Variants in KDM6B observed in about 807,000 individuals in gnomAD.
The protein encoded by KDM6B is lysine demethylase 6B.
Under a neutral mutation model 150.4 loss-of-function variants are expected in KDM6B, and 22 were observed. The ratio of observed to expected loss-of-function variants is 0.15; its 90% CI spans 0.10 to 0.21. The LOEUF (loss-of-function observed/expected upper bound fraction) is 0.21, where lower values mean the gene tolerates loss of function less well. Among genes scored for constraint, KDM6B ranks in the 10% least tolerant of loss-of-function variants. The pLI is 1.00. For missense variants in KDM6B, 1,984 were observed against 2,234.3 expected, an observed-to-expected ratio of 0.89 and a Z score of 2.26; for synonymous variants, 1,148 against 921.1, an observed-to-expected ratio of 1.25 and a Z score of -4.46.
chr17:7,846,311 G>A lies in KDM6B; in HGVS notation c.456+14G>A. On this transcript the variant is annotated intron_variant, in intron 7 of 23. Coordinates refer to ENST00000448097, the MANE Select transcript of KDM6B (RefSeq NM_001348716.2). Reference sequence around the variant, plus strand: ...CGACTGCAGCAGGTAGGAGAAGGCAGGGCGTGGGGGACGGGATTGTACGAT... The same window carrying A: ...CGACTGCAGCAGGTAGGAGAAGGCAAGGCGTGGGGGACGGGATTGTACGAT... The A allele has an allele frequency of 6.2e-7, 1 of 1,608,550 alleles. No individual in the cohort carries two copies. The highest frequency in any genetic ancestry group is 8.5e-7 in the Non-Finnish European group (1 of 1,177,474).
At chr17:7,850,696 A>AG (rs386385574) in intron 14 of KDM6B, among the ~76,000 whole-genome samples, 9 of 151,338 alleles carry the variant, frequency 5.9e-5, no homozygotes, top group African/African-American at 2.2e-4. Flanking sequence ...AAATGGGGAA[A>AG]AAAGAAGCTG....
At chr17:7,841,918 G>A (rs1020486873) in intron 2 of KDM6B, among the ~76,000 whole-genome samples, 72 of 152,304 alleles carry the variant, frequency 4.7e-4, no homozygotes, top group African/African-American at 1.5e-3. Context: ...CAGGTAAGAA[G>A]CGAGCGTGTA....
chr17:7,836,175 C>T (rs1049741630), intron 1 of KDM6B, among the ~76,000 whole-genome samples: 1 of 152,252 alleles, frequency 6.6e-6, no homozygotes, highest in African/African-American at 2.4e-5. Flanking sequence ...CCCCGGACGG[C>T]CCAGGTGATT....
chr17:7,839,105 C>T lies in KDM6B; in HGVS notation c.-387-801C>T, dbSNP rs577819520. Among the ~76,000 whole-genome samples, 4 of 152,232 alleles carry T rather than the reference C, an allele frequency of 2.6e-5. 1 individual carries two copies. The highest frequency in any genetic ancestry group is 5.9e-5 in the Non-Finnish European group (4 of 68,000). ...GATTAAGGGAGCAGAAAACATAGGTCCCTGAGGAGCGAGTCTGAGGTGAGG... is the reference window on the plus strand; with the variant it reads ...GATTAAGGGAGCAGAAAACATAGGTTCCTGAGGAGCGAGTCTGAGGTGAGG... On this transcript the variant is annotated intron_variant, in intron 1 of 23. Coordinates refer to ENST00000448097, the MANE Select transcript of KDM6B (RefSeq NM_001348716.2).
In KDM6B at chr17:7,844,426, G is replaced by A. The variant is rs1443523324; in HGVS notation, c.-268-475G>A. 6.6e-6 allele frequency: 1 copy of A among 152,546 alleles called. No homozygotes were observed. Among genetic ancestry groups the A allele is most frequent in the East Asian group, 1.9e-4 (1 of 5,184 alleles). The allele number at this position is 152,546 out of a possible 1,614,324, so 9.4% of individuals were successfully genotyped here. ...GGGGGTGGAGCGCCGATAGCGGCGC[G>A]GACGGGTTTGGGTGCCGTGGAAGTC... On this transcript the variant is annotated intron_variant, in intron 2 of 23. Coordinates refer to ENST00000448097, the MANE Select transcript of KDM6B (RefSeq NM_001348716.2). This position sits in a 1 kb window ranked among gnomAD's most constrained non-coding sequence, Gnocchi z 5.9.
At chr17:7,836,120 C>T (rs910397843) in intron 1 of KDM6B, among the ~76,000 whole-genome samples, 1 of 152,240 alleles carries the variant, frequency 6.6e-6, no homozygotes, top group African/African-American at 2.4e-5. Context: ...TTCTCCCGCC[C>T]GGGCCCAGCT....
chr17:7,852,111 G>A, intron 19 of KDM6B, 38 bp from the exon 20 acceptor site: 2 of 1,613,806 alleles, frequency 1.2e-6, no homozygotes, highest in Non-Finnish European at 8.5e-7. Context: ...CCCCGCCCTC[G>A]GTCCCCAGTT....
Position 7,849,816 on chromosome 17 carries a change from C to T in KDM6B, c.3441-5C>T, listed in dbSNP as rs747953827. 33 of 1,612,888 alleles carry T rather than the reference C, an allele frequency of 2.0e-5. No homozygotes were observed. The highest frequency in any genetic ancestry group is 1.3e-4 in the Admixed American group (8 of 60,012). On this transcript the variant is annotated splice_region_variant and splice_polypyrimidine_tract_variant and intron_variant, in intron 12 of 23. Coordinates refer to ENST00000448097, the MANE Select transcript of KDM6B (RefSeq NM_001348716.2). Reference sequence around the variant, plus strand: ...TTCTGTCTTCATTCCACTGTCCTCCCGCAGGAATGCCAAGGTGAAAGGGAA... The same window carrying T: ...TTCTGTCTTCATTCCACTGTCCTCCTGCAGGAATGCCAAGGTGAAAGGGAA...
Position 7,845,037 on chromosome 17 carries a change from T to TATCA in KDM6B, c.-149+17_-149+18insATCA. The TATCA allele has an allele frequency of 5.1e-6, 1 of 196,716 alleles. No homozygotes were observed. The highest frequency in any genetic ancestry group is 1.1e-5 in the Non-Finnish European group (1 of 92,186). The allele number at this position is 196,716 out of a possible 1,614,324, so 12.2% of individuals were successfully genotyped here. ...GGAGGCCGGGTAAGCGGCCGCTGCGTTTTGGGTCGGCCCAGTGGCTCCGGA... is the reference window on the plus strand; with the variant it reads ...GGAGGCCGGGTAAGCGGCCGCTGCGTATCATTTGGGTCGGCCCAGTGGCTCCGGA... On this transcript the variant is annotated intron_variant, in intron 3 of 23. Transcript: ENST00000448097.
At position 7,845,685 on chromosome 17, in the gene KDM6B, G is replaced by A. The variant is rs1436601341; in HGVS notation, c.131G>A (p.Gly44Glu). 1 of 1,614,132 alleles carries A rather than the reference G, an allele frequency of 6.2e-7. No individual in the cohort carries two copies. Among genetic ancestry groups the A allele is most frequent in the Admixed American group, 1.7e-5 (1 of 60,030 alleles). ...HPPPRSAWLP[G>E]GRCSASIGQP... ...CCTCCTCGTAGCGCATGGCTGCCTG[G>A]AGGCAGGTGAGAAGTTGGGGCCCTC... The change falls in exon 5 of 24, where the codon GGA becomes GAA. Residue 44 changes from glycine (G) to glutamate (E), a missense_variant. Gly to Glu is a moderately conservative substitution (Grantham distance 98, BLOSUM62 -2). Coordinates refer to ENST00000448097, the MANE Select transcript of KDM6B (RefSeq NM_001348716.2).
rs755747126 is a variant in KDM6B at position 7,847,242 on chromosome 17, C to G, written c.1047C>G (p.Cys349Trp). 6.3e-7 allele frequency: 1 copy of G among 1,578,094 alleles called. No homozygotes were observed. Among genetic ancestry groups the G allele is most frequent in the East Asian group, 2.3e-5 (1 of 44,054 alleles). Residue 349 changes from cysteine to tryptophan, a missense_variant, in exon 11 of 24, where the codon TGC (cysteine) becomes TGG (tryptophan). Transcript: ENST00000448097. ...CCCCAGGAGCAGAGAGCCATGGCTGCCTGCCTGCCACCCGTCCCCCCGGAA... is the reference window on the plus strand; with the variant it reads ...CCCCAGGAGCAGAGAGCCATGGCTGGCTGCCTGCCACCCGTCCCCCCGGAA... ...PRPPGAESHG[C>W]LPATRPPGSD...
At chr17:7,845,120 C>A in intron 3 of KDM6B, 100 bp downstream of exon 3, 1 of 260,638 alleles carries the variant, frequency 3.8e-6, no homozygotes, top group Non-Finnish European at 7.7e-6. Flanking sequence ...GGTTCCCTGC[C>A]ACACACGTCC....
chr17:7,852,913 G>A (rs2078729724), intron 21 of KDM6B, 87 bp from the exon 22 acceptor site: 1 of 1,576,934 alleles, frequency 6.3e-7, no homozygotes, highest in Admixed American at 1.7e-5. Flanking sequence ...GAGGGCCCTG[G>A]GGCTGCCCAC....
In KDM6B at chr17:7,848,408, G is replaced by T. The variant is rs771800557; in HGVS notation, c.2120G>T (p.Arg707Leu). The T allele has an allele frequency of 5.6e-6, 9 of 1,612,896 alleles. No homozygotes were observed. Among genetic ancestry groups the T allele is most frequent in the East Asian group, 4.5e-5 (2 of 44,880 alleles). Residue 707 changes from arginine (R) to leucine (L), a missense_variant, in exon 12 of 24, where the codon CGC becomes CTC. Coordinates refer to ENST00000448097, the MANE Select transcript of KDM6B (RefSeq NM_001348716.2). ...ATGAAGATGCTGGACGAATCCATTC[G>T]CAAGGAAGAGGAACAGCAACAACAC... ...NIMKMLDESI[R>L]KEEEQQQHEA... is the part of the protein sequence containing the mutation.
Position 7,853,327 on chromosome 17 carries a change from C to T in KDM6B, c.4855C>T (p.Leu1619=). Residue 1619 remains leucine (L), a synonymous_variant, in exon 23 of 24, where the codon CTG becomes TTG. Transcript: ENST00000448097. ...CGCAGGCCTGCAGGGCGTGGTGGTGCTGGAGCAGTACCGCACTGAGGAGCT... is the reference window on the plus strand; with the variant it reads ...CGCAGGCCTGCAGGGCGTGGTGGTGTTGGAGCAGTACCGCACTGAGGAGCT... ...RSAGLQGVVV[L]EQYRTEELAQ... 2.5e-6 allele frequency: 4 copies of T among 1,588,034 alleles called. No individual in the cohort carries two copies. The highest frequency in any genetic ancestry group is 1.1e-5 in the South Asian group (1 of 87,994).
intron 1 of KDM6B, among the ~76,000 whole-genome samples, chr17:7,839,353 C>T (rs2078380874): frequency 6.6e-6 from 1 of 152,014 alleles, no homozygotes. Context: ...GGCCCAGAGT[C>T]AGAGTTCTTG....
rs767733175 is a variant in KDM6B, at chr17:7,849,212, G to A, written c.2924G>A (p.Arg975Gln). The change falls in exon 12 of 24, where the codon CGA becomes CAA. Residue 975 changes from arginine to glutamine, a missense_variant. Around this residue, in one of 13 missense-constraint regions of KDM6B, gnomAD observed 1,379 missense variants for 1,275.6 expected, o/e 1.08. Coordinates refer to ENST00000448097, the MANE Select transcript of KDM6B (RefSeq NM_001348716.2). ...GCAGTGTCAGGCAGCTGTAAGCGGC[G>A]ACAGAAGGAGCATCAGAAGGAGCAT... ...VAAVSGSCKR[R>Q]QKEHQKEHRR... 61 of 1,594,502 alleles carry A rather than the reference G, an allele frequency of 3.8e-5. No individual in the cohort carries two copies. Among genetic ancestry groups the A allele is most frequent in the Non-Finnish European group, 5.0e-5 (58 of 1,170,292 alleles).
At chr17:7,835,693 T>C (rs552392911) in intron 1 of KDM6B, among the ~76,000 whole-genome samples, 3 of 151,988 alleles carry the variant, frequency 2.0e-5, no homozygotes, top group South Asian at 4.2e-4. Context: ...CGGCGGAGGC[T>C]GGGAGGCAGC....
intron 21 of KDM6B, 39 bp from the exon 22 acceptor site, chr17:7,852,961 C>T (rs1198017995): frequency 4.3e-6 from 7 of 1,613,028 alleles, no homozygotes; most frequent in Non-Finnish European, 5.9e-6. Flanking sequence ...CAGGCCTCCT[C>T]CTTGCCGGTG....
Sources: gnomAD v4.1 joint callset for allele counts (sites outside exome capture counted in the v4.1 genomes callset) on GRCh38, gnomAD v4.1.1 for gene constraint, gnomAD v4.1.1 regional missense constraint, Gnocchi (gnomAD v3.1) non-coding constraint, MANE v1.5 for transcripts, NCBI Gene and HGNC (gene_info 2026-07-23, HGNC 2026-07-21) for gene names.